FBXO24: variants seen among roughly 807,000 people sequenced by gnomAD.
FBXO24 encodes the protein F-box protein 24, also known as F-box only protein 24.
A neutral mutation model predicts 63.5 loss-of-function variants in FBXO24; 30 were observed. The observed-to-expected ratio is 0.47, with a 90% CI of 0.35 to 0.64. The LOEUF (loss-of-function observed/expected upper bound fraction) is 0.64, where lower values mean the gene tolerates loss of function less well. FBXO24 is among the 30% of genes least tolerant of loss of function. The pLI is 0.00. For missense variants in FBXO24, 624 were observed against 763.4 expected (o/e 0.82, Z 2.15); for synonymous variants, 300 against 305.0 (o/e 0.98, Z 0.17).
At position 100,592,947 on chromosome 7, in the gene FBXO24, C is replaced by G. The variant is rs1348884984; in HGVS notation, c.723C>G (p.His241Gln). ...AGCGGGTCTTCAAGATGACATTCCA[C>G]CACTCAATGACCTTCAAGCAGATCG... is the stretch of plus-strand genomic sequence containing the variant. ...SGQRVFKMTF[H>Q]HSMTFKQIVL... The change falls in exon 5 of 10, where the codon CAC becomes CAG. Residue 241 changes from histidine to glutamine, a missense_variant. This residue lies in a region of FBXO24 where 391 missense variants were observed against 469.1 expected (regional missense o/e 0.83). Coordinates refer to ENST00000241071, the MANE Select transcript of FBXO24 (RefSeq NM_033506.3). 5 of 1,614,086 alleles carry G rather than the reference C, an allele frequency of 3.1e-6. No individual in the cohort carries two copies. The highest frequency in any genetic ancestry group is 4.2e-6 in the Non-Finnish European group (5 of 1,180,070).
In FBXO24 at chr7:100,597,884, G is replaced by GT. The variant is rs1393606783; in HGVS notation, c.1207-2139dup. On this transcript the variant is annotated intron_variant, in intron 8 of 9. Coordinates refer to ENST00000241071, the MANE Select transcript of FBXO24 (RefSeq NM_033506.3). Reference sequence around the variant, plus strand: ...GCCCAGATAAGTTTTTGTTTTTTTTGTTTTTTTTGTTTTTTTTTTTTTTAG... The same window carrying GT: ...GCCCAGATAAGTTTTTGTTTTTTTTGTTTTTTTTTGTTTTTTTTTTTTTTAG... 1.1e-3 allele frequency among the ~76,000 whole-genome samples: 148 copies of GT among 136,300 alleles called. 1 individual carries two copies. The highest frequency in any genetic ancestry group is 6.7e-3 in the Admixed American group (92 of 13,744). 89.4% of individuals were successfully genotyped at this position (136,300 alleles called of 152,430 possible).
chr7:100,591,709 G>C lies in FBXO24; in HGVS notation c.365G>C (p.Arg122Pro), dbSNP rs759483658. The C allele has an allele frequency of 6.2e-7, 1 of 1,614,040 alleles. No individual in the cohort carries two copies. The change falls in exon 4 of 10, where the codon CGA becomes CCA. Residue 122 changes from arginine to proline, a missense_variant. Arg to Pro is a moderately radical substitution (Grantham distance 103). Coordinates refer to ENST00000241071, the MANE Select transcript of FBXO24 (RefSeq NM_033506.3). Reference protein sequence around the residue: ...LYFQAFGGRRRCLSKSVAPLL... With the variant: ...LYFQAFGGRRPCLSKSVAPLL... Reference sequence around the variant, plus strand: ...TTCCAGGCATTTGGAGGCCGCCGCCGATGTCTCAGCAAGAGCGTGGCCCCC... The same window carrying C: ...TTCCAGGCATTTGGAGGCCGCCGCCCATGTCTCAGCAAGAGCGTGGCCCCC...
chr7:100,586,479 C>A lies in FBXO24; in HGVS notation c.-147C>A, dbSNP rs548738308. 1.2e-5 allele frequency: 10 copies of A among 827,022 alleles called. No individual in the cohort carries two copies. In the East Asian group the frequency reaches 1.3e-4, roughly 11 times the overall value. The allele number at this position is 827,022 out of a possible 1,614,324, so 51.2% of individuals were successfully genotyped here. ...CTAGCAGGAAAACGGGCCGAGGGAC[C>A]GCAAGCAGGGGGTGCCTAGTCCTCG... is the stretch of plus-strand genomic sequence containing the variant. On this transcript the variant is annotated 5_prime_UTR_variant, in exon 1 of 10. Transcript: ENST00000241071.
Position 100,600,737 on chromosome 7 carries a change from C to G in FBXO24, c.1581C>G (p.His527Gln). ...GCGAGGAGTACCTCAGCCAGATCCA[C>G]AGTTGCCAAACGTTGCAGGACCGCA... ...QACEEYLSQI[H>Q]SCQTLQDRTE... Residue 527 changes from histidine to glutamine, a missense_variant, in exon 10 of 10, where the codon CAC becomes CAG. His to Gln is a conservative substitution (Grantham distance 24). Transcript: ENST00000241071. This position sits in a 1 kb window ranked among gnomAD's most constrained non-coding sequence, Gnocchi z 6.3. 6.2e-7 allele frequency: 1 copy of G among 1,614,190 alleles called. No individual in the cohort carries two copies. Among genetic ancestry groups the G allele is most frequent in the Non-Finnish European group, 8.5e-7 (1 of 1,180,022 alleles).
intron 8 of FBXO24, among the ~76,000 whole-genome samples, chr7:100,599,155 GAGGCAGAAGAAT>G (rs1417120474): frequency 2.0e-5 from 3 of 152,210 alleles, no homozygotes; most frequent in African/African-American, 4.8e-5. Flanking sequence ...TCAGGAGGCT[GAGGCAGAAGAAT>G]GGCTTGAGCC....
At chr7:100,586,813 C>T in intron 1 of FBXO24, 149 bp downstream of exon 1, 1 of 742,400 alleles carries the variant, frequency 1.3e-6, no homozygotes. Context: ...CGGGCGACTG[C>T]TTGAGGCCAG....
At position 100,594,333 on chromosome 7, in the gene FBXO24, G is replaced by A. The variant is rs370311647; in HGVS notation, c.794-50G>A. On this transcript the variant is annotated intron_variant, in intron 5 of 9. Transcript: ENST00000241071. The surrounding 1 kb of genome is among the most constrained non-coding windows in gnomAD (Gnocchi z 4.2). Reference sequence around the variant, plus strand: ...CTAGGGAGTCTCTTGGGATGTTTATGTGGATATTGGAGAATCCCCTCCCCA... The same window carrying A: ...CTAGGGAGTCTCTTGGGATGTTTATATGGATATTGGAGAATCCCCTCCCCA... 38 of 1,599,262 alleles carry A rather than the reference G, an allele frequency of 2.4e-5. No homozygotes were observed. The African/African-American group carries it at 3.4e-4, about 14-fold the overall frequency.
At chr7:100,597,613 C>T (rs904546712) in intron 8 of FBXO24, among the ~76,000 whole-genome samples, 1 of 152,048 alleles carries the variant, frequency 6.6e-6, no homozygotes, top group Non-Finnish European at 1.5e-5. Flanking sequence ...AGGCTGGTCT[C>T]AAACTCCTGA....
chr7:100,599,151 G>GTTCT (rs1188531620), intron 8 of FBXO24, among the ~76,000 whole-genome samples: 2 of 152,202 alleles, frequency 1.3e-5, no homozygotes, highest in Non-Finnish European at 2.9e-5. Context: ...CTACTCAGGA[G>GTTCT]GCTGAGGCAG....
At chr7:100,593,797 CAAAAAAA>C (rs900435798) in intron 5 of FBXO24, among the ~76,000 whole-genome samples, 2 of 56,598 alleles carry the variant, frequency 3.5e-5, no homozygotes, top group African/African-American at 6.1e-5. Flanking sequence ...ACTCCATCTC[CAAAAAAA>C]AAAAAAAAAA....
intron 1 of FBXO24, among the ~76,000 whole-genome samples, chr7:100,587,619 T>C (rs1801819838): frequency 1.6e-5 from 2 of 126,866 alleles, no homozygotes; most frequent in Non-Finnish European, 3.4e-5. Context: ...TTTTTTTTTT[T>C]AAGAAGGTCT....
In FBXO24 at chr7:100,586,434, G is replaced by T; in HGVS notation, c.-192G>T. ...GGAGCCAATCAGGTCCAACCAAGAG[G>T]AGGGGACACCGGCACTCCACTAGCA... On this transcript the variant is annotated 5_prime_UTR_variant, in exon 1 of 10. Transcript: ENST00000241071. The T allele has an allele frequency of 1.5e-6, 1 of 661,824 alleles. No homozygotes were observed. The highest frequency in any genetic ancestry group is 1.8e-5 in the South Asian group (1 of 55,754). 41.0% of individuals were successfully genotyped at this position (661,824 alleles called of 1,614,324 possible). A position where few individuals can be genotyped will look rare whatever the true frequency, so the allele number is the denominator to read the frequency against.
chr7:100,592,087 C>G, intron 4 of FBXO24, 185 bp downstream of exon 4: 1 of 566,954 alleles, frequency 1.8e-6, no homozygotes, highest in Non-Finnish European at 3.1e-6. Flanking sequence ...TGGCGAAACC[C>G]GTCTCTACTA....
chr7:100,597,600 G>T (rs1159897588), intron 8 of FBXO24, among the ~76,000 whole-genome samples: 1 of 152,014 alleles, frequency 6.6e-6, no homozygotes, highest in African/African-American at 2.4e-5. Flanking sequence ...TACCATGTTG[G>T]CCAGGCTGGT....
chr7:100,593,139 A>C, intron 5 of FBXO24, 122 bp downstream of exon 5: 3 of 708,138 alleles, frequency 4.2e-6, no homozygotes, highest in Non-Finnish European at 4.9e-6. Flanking sequence ...CCTAGTCTCC[A>C]TCTAAACAGC....
chr7:100,597,877 T>A (rs904597974), intron 8 of FBXO24, among the ~76,000 whole-genome samples: 4 of 141,586 alleles, frequency 2.8e-5, no homozygotes, highest in Non-Finnish European at 6.3e-5. Flanking sequence ...AAGTTTTTGT[T>A]TTTTTTGTTT....
chr7:100,596,901 G>A (rs1212133698), intron 8 of FBXO24, among the ~76,000 whole-genome samples: 6 of 152,126 alleles, frequency 3.9e-5, no homozygotes. Flanking sequence ...AATTAGCCAG[G>A]TGTGGTGGTG....
rs1802246036 is a variant in FBXO24, at chr7:100,595,194, A to G, written c.1045A>G (p.Met349Val). The change falls in exon 7 of 10, where the codon ATG becomes GTG. Residue 349 changes from methionine to valine, a missense_variant. This residue lies in a region of FBXO24 where 391 missense variants were observed against 469.1 expected (regional missense o/e 0.83). Transcript: ENST00000241071. ...AGCCTTTGACCCCCTGGACCAGCAGATGCCGCTTGCTCTCTCACTGCCTGC... is the reference window on the plus strand; with the variant it reads ...AGCCTTTGACCCCCTGGACCAGCAGGTGCCGCTTGCTCTCTCACTGCCTGC... The part of the protein sequence containing the change: ...LQAFDPLDQQ[M>V]PLALSLPAKI... 20 of 1,613,984 alleles carry G rather than the reference A, an allele frequency of 1.2e-5. No homozygotes were observed. The highest frequency in any genetic ancestry group is 1.7e-5 in the Non-Finnish European group (20 of 1,179,992).
chr7:100,599,897 C>T lies in FBXO24; in HGVS notation c.1207-134C>T, dbSNP rs77571132. On this transcript the variant is annotated intron_variant, in intron 8 of 9. Transcript: ENST00000241071. ...AGGGGTCAGCAGGGCAGACCTGGGG[C>T]GTGGGACAGTGCTGGCTCCCATTTC... 0.012 allele frequency: 11,983 copies of T among 969,906 alleles called. 741 individuals carry two copies. In the African/African-American group the frequency reaches 0.15, roughly 12 times the overall value. The allele number at this position is 969,906 out of a possible 1,614,324, so 60.1% of individuals were successfully genotyped here.
Sources: allele counts gnomAD v4.1 joint callset (sites outside exome capture counted in the v4.1 genomes callset), GRCh38; gene constraint gnomAD v4.1.1; regional missense constraint gnomAD v4.1.1; non-coding constraint Gnocchi (gnomAD v3.1); transcripts MANE v1.5; gene names NCBI Gene and HGNC (gene_info 2026-07-23, HGNC 2026-07-21).